PRKD1: variants seen among roughly 807,000 people sequenced by gnomAD.
PRKD1 encodes serine/threonine-protein kinase D1.
PRKD1 carries 63 observed loss-of-function variants against 95.9 expected under a neutral mutation model. The observed-to-expected ratio is 0.66, with a 90% CI of 0.54 to 0.81. PRKD1 has a LOEUF of 0.81. Ranked by LOEUF, PRKD1 falls within the 30% of genes least tolerant of loss-of-function variation. The pLI is 0.00. For missense variants in PRKD1, 1,048 were observed against 1,165.3 expected (o/e 0.90, Z 1.47); for synonymous variants, 425 against 423.1 (o/e 1.00, Z -0.05).
intron 4 of PRKD1, among the ~76,000 whole-genome samples, chr14:29,659,078 A>G (rs1048749395): frequency 3.9e-5 from 6 of 152,190 alleles, no homozygotes; most frequent in Non-Finnish European, 2.9e-5. Context: ...GAAGTTTTGC[A>G]TGTGCATAAA....
intron 1 of PRKD1, among the ~76,000 whole-genome samples, chr14:29,806,378 G>A (rs1207954261): frequency 6.6e-6 from 1 of 151,990 alleles, no homozygotes; most frequent in Non-Finnish European, 1.5e-5. Flanking sequence ...GGTATGCTGT[G>A]AAACTGATTA....
intron 2 of PRKD1, among the ~76,000 whole-genome samples, chr14:29,666,906 GTGTTGCTTAC>G (rs2139221393): frequency 6.6e-6 from 1 of 152,182 alleles, no homozygotes; most frequent in East Asian, 1.9e-4. Context: ...GAACTTTTTG[GTGTTGCTTAC>G]TGTTGCTTAT....
chr14:29,908,289 T>C (rs1482498008), intron 1 of PRKD1, among the ~76,000 whole-genome samples: 2 of 152,222 alleles, frequency 1.3e-5, no homozygotes, highest in Non-Finnish European at 2.9e-5. Context: ...TCAATATGCA[T>C]ATTACATCAG....
intron 1 of PRKD1, among the ~76,000 whole-genome samples, chr14:29,924,745 CTCA>C (rs1388232477): frequency 1.3e-5 from 2 of 152,052 alleles, no homozygotes; most frequent in Non-Finnish European, 2.9e-5. Context: ...AGCTGACGTC[CTCA>C]TAAGGTACTT....
At chr14:29,676,341 A>G (rs1230557877) in intron 2 of PRKD1, among the ~76,000 whole-genome samples, 1 of 151,968 alleles carries the variant, frequency 6.6e-6, no homozygotes, top group Non-Finnish European at 1.5e-5. Context: ...GTGGAGATCA[A>G]GTCAAGAGTA....
intron 1 of PRKD1, among the ~76,000 whole-genome samples, chr14:29,797,592 T>C (rs1172933774): frequency 6.6e-6 from 1 of 152,158 alleles, no homozygotes; most frequent in Non-Finnish European, 1.5e-5. Flanking sequence ...GGGCTGATCA[T>C]AACAGGTAAT....
intron 2 of PRKD1, among the ~76,000 whole-genome samples, chr14:29,687,610 G>A (rs764282331): frequency 1.3e-5 from 2 of 152,198 alleles, no homozygotes; most frequent in Admixed American, 6.5e-5. Flanking sequence ...GTTGTCTTTA[G>A]TTACTACAAC....
At chr14:29,888,649 C>T (rs1186285170) in intron 1 of PRKD1, among the ~76,000 whole-genome samples, 2 of 152,068 alleles carry the variant, frequency 1.3e-5, no homozygotes. Context: ...TAGGAGAATA[C>T]TGGAAATAAA....
At chr14:29,892,083 A>G (rs1893956373) in intron 1 of PRKD1, among the ~76,000 whole-genome samples, 1 of 152,188 alleles carries the variant, frequency 6.6e-6, no homozygotes, top group Non-Finnish European at 1.5e-5. Flanking sequence ...TGTCCTCTCA[A>G]TACATGAAGG....
intron 1 of PRKD1, among the ~76,000 whole-genome samples, chr14:29,883,731 C>T (rs542069910): frequency 6.6e-6 from 1 of 152,182 alleles, no homozygotes; most frequent in East Asian, 1.9e-4. Context: ...GGAGATGTAC[C>T]TGAGATTTGC....
rs1252038111 is a variant in PRKD1, at chr14:29,576,568, T to C, written c.*670A>G. Reference sequence around the variant, plus strand: ...TTTTCCATAGTACAACAGAGTATTATAAGAAAGAGGGAAATGTATCTGTTA... The same window carrying C: ...TTTTCCATAGTACAACAGAGTATTACAAGAAAGAGGGAAATGTATCTGTTA... On this transcript the variant is annotated 3_prime_UTR_variant, in exon 18 of 18. Coordinates refer to ENST00000331968, the MANE Select transcript of PRKD1 (RefSeq NM_002742.3). 6.5e-6 allele frequency: 1 copy of C among 153,824 alleles called. No individual in the cohort carries two copies. The highest frequency in any genetic ancestry group is 1.5e-5 in the Non-Finnish European group (1 of 68,868). The allele number at this position is 153,824 out of a possible 1,614,324, so 9.5% of individuals were successfully genotyped here.
At chr14:29,762,450 T>A (rs1318594604) in intron 1 of PRKD1, among the ~76,000 whole-genome samples, 2 of 152,084 alleles carry the variant, frequency 1.3e-5, no homozygotes, top group Admixed American at 6.6e-5. Context: ...CCTGGAATTC[T>A]CAACTTAGAG....
intron 16 of PRKD1, chr14:29,594,269 T>C: frequency 3.1e-6 from 1 of 320,600 alleles, no homozygotes; most frequent in Non-Finnish European, 6.1e-6. Context: ...TTTTGCTTTT[T>C]CATGCCAGGA....
intron 4 of PRKD1, among the ~76,000 whole-genome samples, chr14:29,653,461 T>C (rs540076882): frequency 1.3e-5 from 2 of 152,092 alleles, no homozygotes; most frequent in African/African-American, 4.8e-5. Flanking sequence ...TTTAATTTTT[T>C]AAAAAAAATC....
chr14:29,786,700 CTAATTTTATT>C (rs1273232196), intron 1 of PRKD1, among the ~76,000 whole-genome samples: 1 of 151,656 alleles, frequency 6.6e-6, no homozygotes, highest in Non-Finnish European at 1.5e-5. Flanking sequence ...TTTTTTGTTT[CTAATTTTATT>C]TATTTGGGTT....
rs549515038 is a variant in PRKD1 at position 29,727,437 on chromosome 14, G to C, written c.265-1763C>G. On this transcript the variant is annotated intron_variant, in intron 1 of 17. Transcript: ENST00000331968. The stretch of plus-strand genomic sequence containing the variant: ...GTCAATTTTGGCTTTTGTTGCCATT[G>C]CTTTTGGTGTTTTAGACATGAAGTC... 2.0e-4 allele frequency among the ~76,000 whole-genome samples: 31 copies of C among 151,694 alleles called. No individual in the cohort carries two copies. The South Asian group carries it at 4.4e-3, about 22-fold the overall frequency.
chr14:29,656,537 G>A, intron 4 of PRKD1: 1 of 1,530,352 alleles, frequency 6.5e-7, no homozygotes, highest in Non-Finnish European at 8.8e-7. Context: ...AGCAGGCAAA[G>A]GTGCAGAATC....
intron 2 of PRKD1, among the ~76,000 whole-genome samples, chr14:29,675,372 A>G (rs1231613370): frequency 6.6e-6 from 1 of 152,214 alleles, no homozygotes; most frequent in Non-Finnish European, 1.5e-5. Flanking sequence ...AACAATTCCC[A>G]AATTTTCTGT....
At chr14:29,743,215 C>G (rs1887058770) in intron 1 of PRKD1, among the ~76,000 whole-genome samples, 1 of 152,022 alleles carries the variant, frequency 6.6e-6, no homozygotes, top group Non-Finnish European at 1.5e-5. Context: ...TGTGAATAGG[C>G]CGGTAACTAG....
Sources: allele counts gnomAD v4.1 joint callset (sites outside exome capture counted in the v4.1 genomes callset), GRCh38; gene constraint gnomAD v4.1.1; transcripts MANE v1.5; gene names NCBI Gene and HGNC (gene_info 2026-07-23, HGNC 2026-07-21).